Variants in MCU observed in about 807,000 individuals in gnomAD.
The protein encoded by MCU is mitochondrial calcium uniporter.
A neutral mutation model predicts 45.2 loss-of-function variants in MCU; 12 were observed. The ratio of observed to expected loss-of-function variants is 0.27; its 90% CI spans 0.17 to 0.43. The LOEUF is 0.43. MCU is among the 20% of genes least tolerant of loss of function. The probability of loss-of-function intolerance (pLI) is 1.00; values close to 1 mark genes in which losing one functional copy is unlikely to be tolerated. For synonymous variants in MCU, 160 were observed against 165.1 expected, an observed-to-expected ratio of 0.97 and a Z score of 0.24; for missense variants, 324 against 436.7, an observed-to-expected ratio of 0.74 and a Z score of 2.30.
At chr10:72,817,498 G>T (rs1217623612) in intron 1 of MCU, among the ~76,000 whole-genome samples, 1 of 152,056 alleles carries the variant, frequency 6.6e-6, no homozygotes, top group Non-Finnish European at 1.5e-5. Context: ...ACTGTCCTTG[G>T]GCATTAGAAT....
chr10:72,834,276 T>C, intron 1 of MCU, 83 bp from the exon 2 acceptor site: 1 of 906,608 alleles, frequency 1.1e-6, no homozygotes, highest in Non-Finnish European at 1.7e-6. Context: ...AGTAATCATA[T>C]GTATATATTT....
chr10:72,760,245 C>G (rs1422701304), intron 1 of MCU, among the ~76,000 whole-genome samples: 1 of 151,984 alleles, frequency 6.6e-6, no homozygotes, highest in Non-Finnish European at 1.5e-5. Context: ...GAGACAATGT[C>G]TCACTATATT....
intron 1 of MCU, among the ~76,000 whole-genome samples, chr10:72,763,344 C>T (rs1843681077): frequency 6.6e-6 from 1 of 151,938 alleles, no homozygotes; most frequent in Non-Finnish European, 1.5e-5. Context: ...TTTAGGAGCC[C>T]AGGAAAAGCT....
chr10:72,866,982 A>T (rs1845467168), intron 4 of MCU, among the ~76,000 whole-genome samples: 1 of 150,800 alleles, frequency 6.6e-6, no homozygotes. Flanking sequence ...CTGTTGATTG[A>T]CATAGATGAC....
At chr10:72,804,498 C>T (rs1844400285) in intron 1 of MCU, among the ~76,000 whole-genome samples, 1 of 152,038 alleles carries the variant, frequency 6.6e-6, no homozygotes. Context: ...CTTTTTGTTC[C>T]TGCTTTGTCT....
chr10:72,805,104 T>A (rs889548716), intron 1 of MCU, among the ~76,000 whole-genome samples: 4 of 92,696 alleles, frequency 4.3e-5, no homozygotes, highest in Non-Finnish European at 8.4e-5. Context: ...TTTCTTTCTC[T>A]TTCTTTCTTT....
chr10:72,693,842 C>T (rs1020724369), intron 1 of MCU, among the ~76,000 whole-genome samples: 2 of 152,204 alleles, frequency 1.3e-5, no homozygotes, highest in African/African-American at 4.8e-5. Flanking sequence ...CCCTTTCCGT[C>T]GAACTACTTA....
intron 1 of MCU, among the ~76,000 whole-genome samples, chr10:72,729,952 C>CATT (rs1413419136): frequency 1.1e-5 from 1 of 90,552 alleles, no homozygotes; most frequent in African/African-American, 3.9e-5. Flanking sequence ...CTTCAGCATT[C>CATT]TTTTTTTTTT....
At chr10:72,716,383 T>C (rs914547217) in intron 1 of MCU, among the ~76,000 whole-genome samples, 5 of 152,240 alleles carry the variant, frequency 3.3e-5, no homozygotes, top group African/African-American at 4.8e-5. Flanking sequence ...ATTTGCAATA[T>C]GCATAGTGGT....
At chr10:72,699,918 G>A (rs1166598740) in intron 1 of MCU, among the ~76,000 whole-genome samples, 1 of 151,880 alleles carries the variant, frequency 6.6e-6, no homozygotes, top group Non-Finnish European at 1.5e-5. Context: ...TAGTAGCTCA[G>A]CATCTTAATA....
intron 4 of MCU, among the ~76,000 whole-genome samples, chr10:72,864,709 C>G (rs893854038): frequency 1.3e-5 from 2 of 152,066 alleles, no homozygotes; most frequent in East Asian, 3.9e-4. Context: ...CCAACACCCC[C>G]GCCACATTGT....
At chr10:72,702,889 G>T (rs1842775136) in intron 1 of MCU, among the ~76,000 whole-genome samples, 1 of 151,620 alleles carries the variant, frequency 6.6e-6, no homozygotes, top group Admixed American at 6.6e-5. Context: ...TGAGGCAGGA[G>T]AATCACTTGA....
intron 1 of MCU, among the ~76,000 whole-genome samples, chr10:72,704,658 A>G (rs895577147): frequency 6.6e-6 from 1 of 150,826 alleles, no homozygotes; most frequent in South Asian, 2.1e-4. Flanking sequence ...CTGCCTCAGC[A>G]TCCCAAGTAA....
intron 1 of MCU, among the ~76,000 whole-genome samples, chr10:72,737,520 C>A (rs1338475876): frequency 1.3e-5 from 2 of 149,732 alleles, no homozygotes; most frequent in African/African-American, 2.5e-5. Flanking sequence ...CTTTTTCTTT[C>A]CTTTTTTTTT....
At chr10:72,727,399 T>G (rs1023743670) in intron 1 of MCU, among the ~76,000 whole-genome samples, 1 of 152,202 alleles carries the variant, frequency 6.6e-6, no homozygotes. Context: ...CCCAACATAC[T>G]TTTCCCTAAT....
At chr10:72,852,117 A>G (rs765732313) in intron 2 of MCU, among the ~76,000 whole-genome samples, 21 of 152,252 alleles carry the variant, frequency 1.4e-4, no homozygotes, top group Non-Finnish European at 2.8e-4. Flanking sequence ...GGATAATTGG[A>G]TAATTTAATC....
At chr10:72,784,076 T>C (rs964247812) in intron 1 of MCU, among the ~76,000 whole-genome samples, 2 of 152,176 alleles carry the variant, frequency 1.3e-5, no homozygotes, top group African/African-American at 4.8e-5. Flanking sequence ...CCGGGCACCG[T>C]TGGATGGTGT....
intron 6 of MCU, among the ~76,000 whole-genome samples, chr10:72,875,079 T>G (rs1174383511): frequency 6.6e-6 from 1 of 152,108 alleles, no homozygotes; most frequent in Non-Finnish European, 1.5e-5. Context: ...GGAAACTGAG[T>G]CTCCAAGAGG....
At chr10:72,744,110 C>G (rs1198999790) in intron 1 of MCU, among the ~76,000 whole-genome samples, 5 of 150,276 alleles carry the variant, frequency 3.3e-5, no homozygotes, top group Admixed American at 2.7e-4. Flanking sequence ...TCCTTTTATC[C>G]CACTCTTAAT....
Sources: gnomAD v4.1 joint callset for allele counts (sites outside exome capture counted in the v4.1 genomes callset) on GRCh38, gnomAD v4.1.1 for gene constraint, MANE v1.5 for transcripts, NCBI Gene and HGNC (gene_info 2026-07-23, HGNC 2026-07-21) for gene names.